Variants in CELF2 observed in about 807,000 individuals in gnomAD.
CELF2 encodes the protein CUG triplet repeat RNA-binding protein 2.
A neutral mutation model predicts 62.6 loss-of-function variants in CELF2; 8 were observed. The observed-to-expected ratio is 0.13, with a 90% CI of 0.07 to 0.23. The LOEUF (loss-of-function observed/expected upper bound fraction) is 0.23. Ranked by LOEUF, CELF2 falls within the 10% of genes least tolerant of loss-of-function variation. The pLI is 1.00. For missense variants in CELF2, 333 were observed against 671.0 expected (o/e 0.50, Z 5.56); for synonymous variants, 258 against 250.0 (o/e 1.03, Z -0.30).
chr10:10,740,581 G>A, the CELF2 span, among the ~76,000 whole-genome samples: 11 of 151,778 alleles, frequency 7.2e-5, no homozygotes, highest in South Asian at 2.1e-4. Flanking sequence ...CCATGTACCC[G>A]CCCTCCCAAA....
At chr10:11,202,463 T>A (rs2059429680) in intron 2 of CELF2, among the ~76,000 whole-genome samples, 1 of 152,194 alleles carries the variant, frequency 6.6e-6, no homozygotes, top group Admixed American at 6.5e-5. Flanking sequence ...GGTGAGCTTT[T>A]CGTAGCAAAT....
intron 1 of CELF2, among the ~76,000 whole-genome samples, chr10:10,799,741 G>T (rs10905829): frequency 0.59 from 89,246 of 151,932 alleles, 26,403 homozygotes; most frequent in African/African-American, 0.66. Context: ...AACACAAGGA[G>T]CTAGAAAGGG....
intron 2 of CELF2, among the ~76,000 whole-genome samples, chr10:11,166,423 A>G (rs974272899): frequency 6.6e-5 from 10 of 152,202 alleles, no homozygotes; most frequent in Middle Eastern, 3.4e-3. Flanking sequence ...AGACCCAGAA[A>G]CCATTGTGAG....
intron 1 of CELF2, among the ~76,000 whole-genome samples, chr10:11,158,735 T>A (rs1468076066): frequency 6.6e-6 from 1 of 152,212 alleles, no homozygotes; most frequent in Non-Finnish European, 1.5e-5. Context: ...TCTGCAGGAA[T>A]AGTTCTCTAC....
At chr10:11,155,662 T>C (rs1239056239) in intron 1 of CELF2, among the ~76,000 whole-genome samples, 5 of 152,248 alleles carry the variant, frequency 3.3e-5, no homozygotes, top group African/African-American at 9.6e-5. Flanking sequence ...ATGTAATAAA[T>C]ACATATCCCT....
At chr10:11,014,174 G>C (rs1303927081), upstream of CELF2, among the ~76,000 whole-genome samples, 1 of 152,216 alleles carries the variant, frequency 6.6e-6, no homozygotes, top group Non-Finnish European at 1.5e-5. Flanking sequence ...ATAGGGGAAA[G>C]ATGTTTTGCA....
At chr10:10,537,116 G>A in the CELF2 span, among the ~76,000 whole-genome samples, 1 of 152,148 alleles carries the variant, frequency 6.6e-6, no homozygotes, top group South Asian at 2.1e-4. Context: ...CAAGAGGGAG[G>A]AAGCCTCCTC....
chr10:10,911,687 T>G (rs921345898), intron 1 of CELF2, among the ~76,000 whole-genome samples: 4 of 152,278 alleles, frequency 2.6e-5, no homozygotes, highest in Admixed American at 1.3e-4. Context: ...ATCCCAAAAG[T>G]GTATGCAGTG....
the CELF2 span, among the ~76,000 whole-genome samples, chr10:10,672,132 T>A: frequency 1.3e-5 from 2 of 152,228 alleles, no homozygotes; most frequent in Non-Finnish European, 2.9e-5. Flanking sequence ...TTTATATATT[T>A]TATATAGTAA....
intron 2 of CELF2, among the ~76,000 whole-genome samples, chr10:10,930,204 G>A (rs986615612): frequency 1.4e-4 from 22 of 152,174 alleles, no homozygotes; most frequent in African/African-American, 4.8e-4. Context: ...GACCTATTTA[G>A]ACTTCTCAGA....
At chr10:10,748,363 T>C in the CELF2 span, among the ~76,000 whole-genome samples, 1 of 152,148 alleles carries the variant, frequency 6.6e-6, no homozygotes, top group Non-Finnish European at 1.5e-5. Flanking sequence ...CAAATATTAT[T>C]TGTCTCTAAA....
At chr10:11,273,459 C>T (rs2084661969) in intron 7 of CELF2, among the ~76,000 whole-genome samples, 1 of 152,036 alleles carries the variant, frequency 6.6e-6, no homozygotes, top group South Asian at 2.1e-4. Context: ...ATCTCAAAAC[C>T]TTCCCCTCAA....
chr10:11,173,327 C>T (rs1301234455), intron 2 of CELF2, among the ~76,000 whole-genome samples: 2 of 152,198 alleles, frequency 1.3e-5, no homozygotes, highest in East Asian at 1.9e-4. Context: ...GCTGCCTTAG[C>T]GTGACCTACC....
intron 1 of CELF2, among the ~76,000 whole-genome samples, chr10:10,896,198 C>T (rs945983176): frequency 6.6e-6 from 1 of 152,068 alleles, no homozygotes; most frequent in African/African-American, 2.4e-5. Context: ...GAAAAGAGTG[C>T]CCATTCCCAT....
At chr10:11,128,732 C>A (rs1037564725) in intron 1 of CELF2, among the ~76,000 whole-genome samples, 1 of 152,102 alleles carries the variant, frequency 6.6e-6, no homozygotes, top group African/African-American at 2.4e-5. Context: ...GATTTTGTAT[C>A]CCGAGACTTT....
At chr10:11,003,366 G>A (rs536537896), upstream of CELF2, among the ~76,000 whole-genome samples, 5 of 152,266 alleles carry the variant, frequency 3.3e-5, no homozygotes, top group Admixed American at 1.3e-4. The surrounding 1 kb of genome is among the most constrained non-coding windows in gnomAD (Gnocchi z 4.4). Context: ...ATTGTTGTAC[G>A]TTAGTGCTTG....
intron 1 of CELF2, among the ~76,000 whole-genome samples, chr10:11,043,653 T>G (rs1047855273): frequency 2.6e-5 from 4 of 152,172 alleles, no homozygotes; most frequent in Non-Finnish European, 4.4e-5. Context: ...CCAGAGGCTT[T>G]GCTTCTCCCA....
At chr10:10,909,502 C>T (rs185546162) in intron 1 of CELF2, among the ~76,000 whole-genome samples, 18 of 152,312 alleles carry the variant, frequency 1.2e-4, no homozygotes, top group Non-Finnish European at 5.9e-5. Context: ...TTTCTCTCTC[C>T]ACCAGAACCT....
At position 10,972,262 on chromosome 10, in the gene CELF2, A is replaced by G. The variant is rs563638784; in HGVS notation, c.89+52263A>G. 6.6e-6 allele frequency among the ~76,000 whole-genome samples: 1 copy of G among 152,356 alleles called. No individual in the cohort carries two copies. Among genetic ancestry groups the G allele is most frequent in the South Asian group, 2.1e-4 (1 of 4,830 alleles). On this transcript the variant is annotated intron_variant, in intron 2 of 13. Coordinates refer to the CELF2 transcript ENST00000636488. The surrounding 1 kb of genome is among the most constrained non-coding windows in gnomAD (Gnocchi z 4.4). ...TGAAGGATATGAATAGGTTTTATAG[A>G]AAATGAAGAGTTCTGTGGTTAAATG...
Sources: gnomAD v4.1 joint callset for allele counts (sites outside exome capture counted in the v4.1 genomes callset) on GRCh38, gnomAD v4.1.1 for gene constraint, Gnocchi (gnomAD v3.1) non-coding constraint, MANE v1.5 for transcripts, NCBI Gene and HGNC (gene_info 2026-07-23, HGNC 2026-07-21) for gene names.